The following ATOX1 variants were observed in gnomAD, a reference collection of about 807,000 sequenced individuals.
ATOX1 encodes copper transport protein ATOX1.
In ATOX1, 4 loss-of-function variants were observed where a neutral mutation model predicts 7.3. The ratio of observed to expected loss-of-function variants is 0.55; its 90% confidence interval spans 0.27 to 1.25. ATOX1 has a LOEUF of 1.25. ATOX1 is among the 50% of genes most tolerant of loss of function. The probability of loss-of-function intolerance (pLI) is 0.12; values close to 1 mark genes in which losing one functional copy is unlikely to be tolerated. For missense variants in ATOX1, 68 were observed against 81.6 expected (o/e 0.83, Z 0.64); for synonymous variants, 25 against 28.7 (o/e 0.87, Z 0.41).
chr5:151,756,903 C>A (rs1762025208), intron 1 of ATOX1, among the ~76,000 whole-genome samples: 1 of 152,134 alleles, frequency 6.6e-6, no homozygotes, highest in Non-Finnish European at 1.5e-5. Flanking sequence ...TAACAACAGT[C>A]CTGTGAGGTC....
intron 2 of ATOX1, among the ~76,000 whole-genome samples, chr5:151,748,888 T>C (rs1340198983): frequency 6.7e-6 from 1 of 149,494 alleles, no homozygotes; most frequent in Admixed American, 6.7e-5. Context: ...AAACAAAACA[T>C]ATGGTTTCCC....
chr5:151,751,780 C>CGGCA lies in ATOX1; in HGVS notation c.7-2_7-1insTGCC. The stretch of plus-strand genomic sequence containing the variant: ...TCATGTCCACAGAGAACTCGTGCTT[C>CGGCA]TGAAACAAACACAGGGGGACCATGA... On this transcript the variant is annotated splice_acceptor_variant, in intron 1 of 3. Coordinates refer to ENST00000313115, the MANE Select transcript of ATOX1 (RefSeq NM_004045.4). LOFTEE classifies it high-confidence loss of function. The CGGCA allele has an allele frequency of 6.2e-7, 1 of 1,604,792 alleles. No homozygotes were observed. The highest frequency in any genetic ancestry group is 8.5e-7 in the Non-Finnish European group (1 of 1,175,814).
intron 1 of ATOX1, among the ~76,000 whole-genome samples, chr5:151,756,090 C>T (rs993088806): frequency 2.0e-5 from 3 of 151,720 alleles, no homozygotes; most frequent in South Asian, 2.1e-4. Flanking sequence ...TACAGGCGTC[C>T]GCCACCATGC....
Position 151,746,414 on chromosome 5 carries a change from CCTT to C in ATOX1, c.115_117del (p.Lys39del). ...ATGCTGTGCTCAGATTCAATGCAGA[CCTT>C]CTTGTTGGGCAGGTCAATGTCATAC... On this transcript the variant is annotated inframe_deletion, in exon 3 of 4. Coordinates refer to ENST00000313115, the MANE Select transcript of ATOX1 (RefSeq NM_004045.4). The C allele has an allele frequency of 8.1e-6, 13 of 1,613,930 alleles. No individual in the cohort carries two copies. The highest frequency in any genetic ancestry group is 1.1e-5 in the Non-Finnish European group (13 of 1,179,832).
At chr5:151,743,512 C>T (rs1404871465) in intron 3 of ATOX1, 4 of 152,204 alleles carry the variant, frequency 2.6e-5, no homozygotes, top group Non-Finnish European at 5.9e-5. Flanking sequence ...TTACTGAGTA[C>T]TGTGCATCTG....
At position 151,742,929 on chromosome 5, in the gene ATOX1, C is replaced by G. The variant is rs1454158264; in HGVS notation, c.*77G>C. The G allele has an allele frequency of 2.0e-5, 3 of 152,416 alleles. No individual in the cohort carries two copies. The highest frequency in any genetic ancestry group is 7.2e-5 in the African/African-American group (3 of 41,478). 9.4% of individuals were successfully genotyped at this position (152,416 alleles called of 1,614,324 possible). A position where few individuals can be genotyped will look rare whatever the true frequency, so the allele number is the denominator to read the frequency against. ...CCGGCATGACTGCCAAGTCCCAGGT[C>G]TGTCTGGAAGCCAGCGGGAGGATCA... On this transcript the variant is annotated 3_prime_UTR_variant, in exon 4 of 4. Transcript: ENST00000313115.
rs1761958351 is a variant in ATOX1, at chr5:151,752,151, C to T, written c.7-372G>A. 1.8e-5 allele frequency: 12 copies of T among 660,314 alleles called. No individual in the cohort carries two copies. In the South Asian group the frequency reaches 2.0e-4, roughly 11 times the overall value. The allele number at this position is 660,314 out of a possible 1,614,324, so 40.9% of individuals were successfully genotyped here. ...CCAGTAACTCTGACAGGGATGGGCC[C>T]CCATACTCTGAGCAATGCTGATCTG... On this transcript the variant is annotated intron_variant, in intron 1 of 3. Transcript: ENST00000313115.
chr5:151,751,642 T>C, intron 2 of ATOX1, 62 bp downstream of exon 2: 1 of 1,528,772 alleles, frequency 6.5e-7, no homozygotes, highest in Non-Finnish European at 8.9e-7. Context: ...AAGTCTCTCC[T>C]GCAACATCTG....
chr5:151,758,545 C>T lies in ATOX1; in HGVS notation c.6+1G>A, dbSNP rs759324936. The T allele has an allele frequency of 2.8e-5, 40 of 1,452,120 alleles. No individual in the cohort carries two copies. Among genetic ancestry groups the T allele is most frequent in the Non-Finnish European group, 3.6e-5 (39 of 1,098,586 alleles). 90.0% of individuals were successfully genotyped at this position (1,452,120 alleles called of 1,614,324 possible). Reference sequence around the variant, plus strand: ...GTGGCGGGGACGGCGCAACCACTCACCGGCATGACTGAGGCAGCGGCGGTG... The same window carrying T: ...GTGGCGGGGACGGCGCAACCACTCATCGGCATGACTGAGGCAGCGGCGGTG... On this transcript the variant is annotated splice_donor_variant, in intron 1 of 3. Transcript: ENST00000313115. LOFTEE classifies it high-confidence loss of function.
In ATOX1 at chr5:151,746,430, G is replaced by A; in HGVS notation, c.102C>T (p.Asp34=). The change falls in exon 3 of 4, where the codon GAC becomes GAT. Residue 34 remains aspartate, a synonymous_variant. Coordinates refer to ENST00000313115, the MANE Select transcript of ATOX1 (RefSeq NM_004045.4). ...CAATGCAGACCTTCTTGTTGGGCAG[G>A]TCAATGTCATACTTAACTCCTGCAG... The part of the protein sequence containing the change: ...NKLGGVKYDI[D]LPNKKVCIES... 1 of 1,613,872 alleles carries A rather than the reference G, an allele frequency of 6.2e-7. No individual in the cohort carries two copies. Among genetic ancestry groups the A allele is most frequent in the Non-Finnish European group, 8.5e-7 (1 of 1,179,790 alleles).
At chr5:151,755,599 T>G (rs188004382) in intron 1 of ATOX1, among the ~76,000 whole-genome samples, 146 of 152,276 alleles carry the variant, frequency 9.6e-4, no homozygotes, top group African/African-American at 3.0e-3. Flanking sequence ...TACCTGAAAC[T>G]TTCTGTCGCT....
Position 151,751,694 on chromosome 5 carries a change from A to G in ATOX1, c.82+10T>C. On this transcript the variant is annotated intron_variant, in intron 2 of 3. Transcript: ENST00000313115. ...GCATAAGTGCACCCAACTCAGGGCCACTCACTCACCTCCAAGCTTATTGAG... is the reference window on the plus strand; with the variant it reads ...GCATAAGTGCACCCAACTCAGGGCCGCTCACTCACCTCCAAGCTTATTGAG... 1.3e-6 allele frequency: 2 copies of G among 1,599,538 alleles called. No individual in the cohort carries two copies. The highest frequency in any genetic ancestry group is 1.7e-6 in the Non-Finnish European group (2 of 1,173,122).
chr5:151,746,281 GC>G lies in ATOX1; in HGVS notation c.*43del, dbSNP rs1761878423. Reference sequence around the variant, plus strand: ...GCAAGTGCTGGGGCCTTACCCACCTGCCCCCTTTGGTCCATCCTGTGGGCTG... The same window carrying G: ...GCAAGTGCTGGGGCCTTACCCACCTGCCCCTTTGGTCCATCCTGTGGGCTG... On this transcript the variant is annotated 3_prime_UTR_variant, in exon 3 of 4. Coordinates refer to ENST00000313115, the MANE Select transcript of ATOX1 (RefSeq NM_004045.4). The G allele has an allele frequency of 1.2e-6, 2 of 1,608,278 alleles. No individual in the cohort carries two copies. Among genetic ancestry groups the G allele is most frequent in the Non-Finnish European group, 1.7e-6 (2 of 1,177,782 alleles).
At chr5:151,755,061 C>A (rs1052968936) in intron 1 of ATOX1, among the ~76,000 whole-genome samples, 1 of 150,158 alleles carries the variant, frequency 6.7e-6, no homozygotes, top group African/African-American at 2.5e-5. Context: ...ACTAGAATGG[C>A]AGAGTTGAGT....
At chr5:151,752,334 A>C in intron 1 of ATOX1, 1 of 702,400 alleles carries the variant, frequency 1.4e-6, no homozygotes, top group Non-Finnish European at 2.6e-6. Flanking sequence ...CCGCATTCTC[A>C]GAGGCAGCAT....
intron 1 of ATOX1, among the ~76,000 whole-genome samples, chr5:151,754,445 A>G (rs1761987162): frequency 6.6e-6 from 1 of 151,946 alleles, no homozygotes; most frequent in Non-Finnish European, 1.5e-5. Context: ...CTGTTTCTCT[A>G]CTAAAAATAG....
intron 2 of ATOX1, 44 bp from the exon 3 acceptor site, chr5:151,746,493 C>T: frequency 6.2e-7 from 1 of 1,610,166 alleles, no homozygotes; most frequent in Non-Finnish European, 8.5e-7. Context: ...AAGCACAGAC[C>T]CTCCCAGTTA....
intron 2 of ATOX1, among the ~76,000 whole-genome samples, chr5:151,747,785 C>T (rs868745405): frequency 2.0e-5 from 3 of 152,078 alleles, no homozygotes; most frequent in Non-Finnish European, 4.4e-5. Flanking sequence ...GATGGGGTTT[C>T]GCCATGTTGG....
At chr5:151,746,175 A>G (rs1404776053) in intron 3 of ATOX1, 104 bp downstream of exon 3, 3 of 1,052,520 alleles carry the variant, frequency 2.9e-6, no homozygotes, top group Non-Finnish European at 4.0e-6. Context: ...AAAAGAACCC[A>G]GAGGGCTCTC....
Sources: allele counts gnomAD v4.1 joint callset (sites outside exome capture counted in the v4.1 genomes callset), GRCh38; gene constraint gnomAD v4.1.1; transcripts MANE v1.5; gene names NCBI Gene and HGNC (gene_info 2026-07-23, HGNC 2026-07-21).